Variants in ZNF618 observed in about 807,000 individuals in gnomAD.
ZNF618 encodes the protein neural precursor cell expressed, developmentally down-regulated 10.
Under a neutral mutation model 103.0 loss-of-function variants are expected in ZNF618, and 34 were observed. That is an observed-to-expected ratio of 0.33 (90% CI 0.25 to 0.44). The LOEUF (loss-of-function observed/expected upper bound fraction) is 0.44. ZNF618 is among the 20% of genes least tolerant of loss of function. The probability of loss-of-function intolerance (pLI) is 1.00; values close to 1 mark genes in which losing one functional copy is unlikely to be tolerated. For missense variants in ZNF618, 1,059 were observed against 1,295.4 expected (o/e 0.82, Z 2.80); for synonymous variants, 551 against 542.2 (o/e 1.02, Z -0.23).
chr9:114,006,830 T>C (rs1253255845), intron 6 of ZNF618, among the ~76,000 whole-genome samples: 1 of 152,134 alleles, frequency 6.6e-6, no homozygotes, highest in Non-Finnish European at 1.5e-5. Flanking sequence ...GGTTCTGTCC[T>C]TCCCACACTC....
At chr9:114,036,908 T>C (rs1316295628) in intron 13 of ZNF618, among the ~76,000 whole-genome samples, 1 of 152,172 alleles carries the variant, frequency 6.6e-6, no homozygotes, top group Admixed American at 6.5e-5. Context: ...AGCACAGATT[T>C]CTAGGCTCCA....
intron 1 of ZNF618, among the ~76,000 whole-genome samples, chr9:113,962,702 A>G (rs1272890665): frequency 2.0e-5 from 3 of 152,044 alleles, no homozygotes; most frequent in African/African-American, 7.2e-5. Flanking sequence ...TACAGTGTTC[A>G]CCCAATGATG....
intron 2 of ZNF618, among the ~76,000 whole-genome samples, chr9:113,972,681 G>A (rs1838084314): frequency 1.3e-5 from 2 of 152,196 alleles, no homozygotes; most frequent in African/African-American, 4.8e-5. Flanking sequence ...GACTCTGTGA[G>A]GAAAACTAAT....
chr9:113,907,189 G>A (rs1241860668), intron 1 of ZNF618, among the ~76,000 whole-genome samples: 1 of 152,236 alleles, frequency 6.6e-6, no homozygotes. Flanking sequence ...TGATTCTCTT[G>A]TTGGAGTTGG....
intron 1 of ZNF618, among the ~76,000 whole-genome samples, chr9:113,879,978 C>T (rs943486361): frequency 1.3e-5 from 2 of 152,056 alleles, no homozygotes; most frequent in African/African-American, 4.8e-5. Flanking sequence ...GCTGACCTCT[C>T]CCTCGTCCTA....
chr9:114,052,586 T>C lies in ZNF618; in HGVS notation c.*2419T>C, dbSNP rs1398536302. Reference sequence around the variant, plus strand: ...AGCATCACTGATGATTGACAGATGCTACAGCAAAAGGTCCCTCTAGCGTTG... The same window carrying C: ...AGCATCACTGATGATTGACAGATGCCACAGCAAAAGGTCCCTCTAGCGTTG... On this transcript the variant is annotated 3_prime_UTR_variant, in exon 15 of 15. Coordinates refer to ENST00000374126, the MANE Select transcript of ZNF618 (RefSeq NM_001318042.2). 6.6e-6 allele frequency: 1 copy of C among 152,216 alleles called. No homozygotes were observed. Among genetic ancestry groups the C allele is most frequent in the Non-Finnish European group, 1.5e-5 (1 of 68,040 alleles). 9.4% of individuals were successfully genotyped at this position (152,216 alleles called of 1,614,324 possible).
Position 114,007,379 on chromosome 9 carries a change from G to C in ZNF618, c.580G>C (p.Gly194Arg). ...TTTCAGGTACACATGTGATATCTGC[G>C]GGAAGAAGTACAAATACTACAGCTG... is the stretch of plus-strand genomic sequence containing the variant. ...NNFRYTCDIC[G>R]KKYKYYSCFQ... The change falls in exon 7 of 15, where the codon GGG becomes CGG. Residue 194 changes from glycine (G) to arginine (R), a missense_variant. Physicochemically the swap from Gly to Arg is moderately radical, Grantham distance 125 (BLOSUM62 -2). Coordinates refer to ENST00000374126, the MANE Select transcript of ZNF618 (RefSeq NM_001318042.2). 1 of 1,613,736 alleles carries C rather than the reference G, an allele frequency of 6.2e-7. No homozygotes were observed. The highest frequency in any genetic ancestry group is 8.5e-7 in the Non-Finnish European group (1 of 1,179,848).
At chr9:113,976,019 A>G (rs571105582) in intron 2 of ZNF618, among the ~76,000 whole-genome samples, 4 of 152,328 alleles carry the variant, frequency 2.6e-5, no homozygotes, top group African/African-American at 9.6e-5. Flanking sequence ...TGGTGGGCAG[A>G]GTTCACTCTG....
At chr9:114,026,009 A>G (rs1843465029) in intron 10 of ZNF618, among the ~76,000 whole-genome samples, 2 of 152,180 alleles carry the variant, frequency 1.3e-5, no homozygotes, top group South Asian at 4.1e-4. Flanking sequence ...CAAAGGTCAT[A>G]CTGTGTATCA....
chr9:113,930,131 G>A (rs964790989), intron 1 of ZNF618, among the ~76,000 whole-genome samples: 5 of 152,138 alleles, frequency 3.3e-5, no homozygotes, highest in Admixed American at 1.3e-4. Context: ...AGTGTTACAC[G>A]TTGTCTGTAG....
At chr9:113,931,305 T>C (rs190112654) in intron 1 of ZNF618, among the ~76,000 whole-genome samples, 1 of 152,250 alleles carries the variant, frequency 6.6e-6, no homozygotes, top group African/African-American at 2.4e-5. Flanking sequence ...GAGATGGCAG[T>C]TTAGGAGCGT....
rs1319608347 is a variant in ZNF618 at position 113,876,420 on chromosome 9, CG to C, written c.33+13del. On this transcript the variant is annotated splice_region_variant and intron_variant, in intron 1 of 14. Transcript: ENST00000374126. ...CGGCGCGGCGGCTCCGCAGGTACGA[CG>C]GGGGGCCGGGGGCATGCACCGCGCG... The C allele has an allele frequency of 1.0e-5, 12 of 1,200,992 alleles. No homozygotes were observed. The highest frequency in any genetic ancestry group is 6.4e-5 in the African/African-American group (4 of 62,798). 74.4% of individuals were successfully genotyped at this position (1,200,992 alleles called of 1,614,324 possible).
rs1044441455 is a variant in ZNF618, at chr9:114,028,969, G to T, written c.1081G>T (p.Ala361Ser). ...GGGATCTCCGGCGAGCAAGGCAACC[G>T]CAGGTACCAATGGCCTATGTGACCC... Reference protein sequence around the residue: ...NSGSPASKATAAESAFSRRVE... With the variant: ...NSGSPASKATSAESAFSRRVE... The change falls in exon 11 of 15, where the codon GCA (alanine) becomes TCA (serine). Residue 361 changes from alanine (A) to serine (S), a missense_variant. By Grantham distance (99) the Ala-to-Ser change is moderately conservative (BLOSUM62 1). Around this residue, in one of 6 missense-constraint regions of ZNF618, gnomAD observed 434 missense variants for 476.0 expected, o/e 0.91. Coordinates refer to ENST00000374126, the MANE Select transcript of ZNF618 (RefSeq NM_001318042.2). 1 of 1,550,032 alleles carries T rather than the reference G, an allele frequency of 6.5e-7. No homozygotes were observed. Among genetic ancestry groups the T allele is most frequent in the Non-Finnish European group, 8.7e-7 (1 of 1,146,904 alleles).
intron 4 of ZNF618, among the ~76,000 whole-genome samples, chr9:114,000,948 C>T (rs1841137294): frequency 6.6e-6 from 1 of 152,228 alleles, no homozygotes. Context: ...GGCAGGTCTC[C>T]ACCCCAGCCA....
At chr9:113,960,815 A>G (rs814694) in intron 1 of ZNF618, among the ~76,000 whole-genome samples, 9,167 of 152,202 alleles carry the variant, frequency 0.06, 373 homozygotes, top group African/African-American at 0.12. Flanking sequence ...AGATCAAACC[A>G]TTGTTCCTTC....
chr9:114,034,102 G>C (rs1353889364), intron 12 of ZNF618, among the ~76,000 whole-genome samples: 1 of 152,186 alleles, frequency 6.6e-6, no homozygotes, highest in Non-Finnish European at 1.5e-5. Flanking sequence ...CATTCAGTGA[G>C]TCCCTGGCAC....
intron 13 of ZNF618, among the ~76,000 whole-genome samples, chr9:114,039,348 T>G (rs1412924937): frequency 8.2e-6 from 1 of 122,116 alleles, no homozygotes; most frequent in African/African-American, 2.8e-5. Flanking sequence ...TTGTTTTTTT[T>G]TTTTTTTTTT....
intron 2 of ZNF618, among the ~76,000 whole-genome samples, chr9:113,979,751 G>T (rs1216112731): frequency 6.6e-6 from 1 of 152,226 alleles, no homozygotes; most frequent in African/African-American, 2.4e-5. Flanking sequence ...TGAGTATCAT[G>T]AACCAAGGAG....
intron 1 of ZNF618, among the ~76,000 whole-genome samples, chr9:113,913,022 G>A (rs944631632): frequency 3.3e-5 from 5 of 152,082 alleles, no homozygotes; most frequent in Non-Finnish European, 4.4e-5. Context: ...AGTTCATCTG[G>A]ACAGTTTCCA....
Sources: gnomAD v4.1 joint callset for allele counts (sites outside exome capture counted in the v4.1 genomes callset) on GRCh38, gnomAD v4.1.1 for gene constraint, gnomAD v4.1.1 regional missense constraint, MANE v1.5 for transcripts, NCBI Gene and HGNC (gene_info 2026-07-23, HGNC 2026-07-21) for gene names.